Variants in RBFOX1 observed in about 807,000 individuals in gnomAD.
RBFOX1 encodes the protein RNA binding protein fox-1 homolog 1.
In RBFOX1, 8 loss-of-function variants were observed where a neutral mutation model predicts 57.7. That is an observed-to-expected ratio of 0.14 (90% CI 0.08 to 0.25). The LOEUF (loss-of-function observed/expected upper bound fraction) is 0.25. RBFOX1 is among the 10% of genes least tolerant of loss of function. The pLI is 1.00. For missense variants in RBFOX1, 611 were observed against 548.5 expected (o/e 1.11, Z -1.14); for synonymous variants, 326 against 222.4 (o/e 1.47, Z -4.15).
intron 4 of RBFOX1, among the ~76,000 whole-genome samples, chr16:7,417,162 G>C (rs1358882985): frequency 6.6e-6 from 1 of 151,958 alleles, no homozygotes; most frequent in East Asian, 1.9e-4. Flanking sequence ...CTGAGGTCAG[G>C]AGTTTGAGAC....
chr16:5,254,938 G>A (rs2062546512), intron 1 of RBFOX1, among the ~76,000 whole-genome samples: 1 of 152,144 alleles, frequency 6.6e-6, no homozygotes. Flanking sequence ...CCCCACTGTT[G>A]GGGAAGTCTT....
chr16:7,105,955 G>T (rs955979885), intron 4 of RBFOX1, among the ~76,000 whole-genome samples: 1 of 152,254 alleles, frequency 6.6e-6, no homozygotes, highest in Admixed American at 6.5e-5. Context: ...TCTTTGTCCA[G>T]TCTTTGTCTG....
At chr16:7,562,124 C>T (rs1163758318) in intron 5 of RBFOX1, among the ~76,000 whole-genome samples, 1 of 152,064 alleles carries the variant, frequency 6.6e-6, no homozygotes, top group African/African-American at 2.4e-5. Flanking sequence ...TTTTATGAGA[C>T]CATTAACACA....
chr16:7,432,156 G>A (rs1164754653), intron 4 of RBFOX1, among the ~76,000 whole-genome samples: 1 of 152,238 alleles, frequency 6.6e-6, no homozygotes, highest in African/African-American at 2.4e-5. Context: ...CAGCAGGGGT[G>A]CCTGCTGGCA....
chr16:7,509,231 A>G (rs189393121), intron 4 of RBFOX1, among the ~76,000 whole-genome samples: 1 of 152,334 alleles, frequency 6.6e-6, no homozygotes, highest in East Asian at 1.9e-4. Flanking sequence ...CCCCTGGAAT[A>G]TTGCGGTCAT....
At chr16:7,229,393 A>G (rs1157182623) in intron 4 of RBFOX1, among the ~76,000 whole-genome samples, 1 of 152,136 alleles carries the variant, frequency 6.6e-6, no homozygotes, top group African/African-American at 2.4e-5. Flanking sequence ...CTTGCCCTAT[A>G]AAGGATAGAC....
At chr16:6,950,500 A>G (rs2080497380) in intron 3 of RBFOX1, among the ~76,000 whole-genome samples, 1 of 152,184 alleles carries the variant, frequency 6.6e-6, no homozygotes, top group African/African-American at 2.4e-5. Flanking sequence ...CCTGAATTGG[A>G]TTGAAGCTGA....
At chr16:5,409,431 T>C (rs1276719871) in intron 1 of RBFOX1, among the ~76,000 whole-genome samples, 1 of 152,236 alleles carries the variant, frequency 6.6e-6, no homozygotes, top group Non-Finnish European at 1.5e-5. Context: ...CCGGAGGCTT[T>C]TTCCCTCTTA....
intron 5 of RBFOX1, among the ~76,000 whole-genome samples, chr16:7,572,719 G>A (rs1326798975): frequency 1.3e-5 from 2 of 152,056 alleles, no homozygotes; most frequent in African/African-American, 4.8e-5. Flanking sequence ...GGCGCCTGTA[G>A]TCACAGCTAC....
At chr16:7,445,337 C>G (rs1207708868) in intron 4 of RBFOX1, among the ~76,000 whole-genome samples, 1 of 152,188 alleles carries the variant, frequency 6.6e-6, no homozygotes, top group East Asian at 1.9e-4. Context: ...GCACTCCCCG[C>G]TACTCCTCTC....
chr16:5,512,635 G>C (rs1355258605), intron 2 of RBFOX1, among the ~76,000 whole-genome samples: 1 of 152,094 alleles, frequency 6.6e-6, no homozygotes, highest in Non-Finnish European at 1.5e-5. Flanking sequence ...TTTTGGAATA[G>C]GTTTAGGTTC....
intron 5 of RBFOX1, among the ~76,000 whole-genome samples, chr16:7,535,425 C>T (rs767675335): frequency 3.3e-5 from 5 of 152,194 alleles, no homozygotes; most frequent in Non-Finnish European, 5.9e-5. Context: ...GACATTGCGA[C>T]TCAGAGATGC....
At chr16:5,460,575 TC>T (rs1314161974) in intron 1 of RBFOX1, among the ~76,000 whole-genome samples, 2 of 152,318 alleles carry the variant, frequency 1.3e-5, no homozygotes, top group Admixed American at 1.3e-4. Context: ...AAAGGACTCT[TC>T]CCAGATGATG....
chr16:7,337,671 T>G (rs1296586287), intron 4 of RBFOX1, among the ~76,000 whole-genome samples: 1 of 152,040 alleles, frequency 6.6e-6, no homozygotes, highest in African/African-American at 2.4e-5. Context: ...ATGTTTTTTG[T>G]GTTTGTTTTT....
intron 3 of RBFOX1, among the ~76,000 whole-genome samples, chr16:6,838,636 C>A (rs116526098): frequency 6.6e-6 from 1 of 152,188 alleles, no homozygotes; most frequent in South Asian, 2.1e-4. Flanking sequence ...TGCTGTCTAA[C>A]ACCACTGGTT....
intron 3 of RBFOX1, among the ~76,000 whole-genome samples, chr16:5,702,899 G>C (rs2051103178): frequency 6.6e-6 from 1 of 152,088 alleles, no homozygotes. Flanking sequence ...GGGGAATAGG[G>C]GATACTTTCA....
chr16:7,244,772 C>G (rs954075072), intron 4 of RBFOX1, among the ~76,000 whole-genome samples: 3 of 152,180 alleles, frequency 2.0e-5, no homozygotes, highest in Non-Finnish European at 4.4e-5. Context: ...GGTCATCACA[C>G]TCGAAGGAGG....
intron 4 of RBFOX1, among the ~76,000 whole-genome samples, chr16:7,152,541 C>T (rs1714173595): frequency 6.6e-6 from 1 of 152,022 alleles, no homozygotes; most frequent in African/African-American, 2.4e-5. Flanking sequence ...GTTAGCTGTG[C>T]AATCTTGATA....
chr16:6,446,326 T>C (rs891327278), intron 2 of RBFOX1, among the ~76,000 whole-genome samples: 9 of 152,106 alleles, frequency 5.9e-5, no homozygotes, highest in Admixed American at 2.6e-4. Context: ...AAAAATATTA[T>C]TGGTTTCTGG....
Sources: gnomAD v4.1 joint callset for allele counts (sites outside exome capture counted in the v4.1 genomes callset) on GRCh38, gnomAD v4.1.1 for gene constraint, MANE v1.5 for transcripts, NCBI Gene and HGNC (gene_info 2026-07-23, HGNC 2026-07-21) for gene names.